SPRY3: variants seen among roughly 807,000 people sequenced by gnomAD.
The protein encoded by SPRY3 is sprouty RTK signaling antagonist 3, also known as protein sprouty homolog 3.
SPRY3 carries 15 observed loss-of-function variants against 20.2 expected under a neutral mutation model. The observed-to-expected ratio is 0.74, with a 90% confidence interval of 0.50 to 1.14. SPRY3 has a LOEUF of 1.14. Among genes scored for constraint, SPRY3 ranks in the 50% most tolerant of loss-of-function variants. The pLI is 0.00. For missense variants in SPRY3, 364 were observed against 363.9 expected (o/e 1.00, Z 0.00); for synonymous variants, 143 against 136.5 (o/e 1.05, Z -0.33).
At chrX:155,630,858 T>A (rs2067903918) in intron 1 of SPRY3, among the ~76,000 whole-genome samples, 1 of 111,711 alleles carries the variant, frequency 9.0e-6, no homozygotes, top group South Asian at 3.7e-4. Context: ...ATCTGAACAT[T>A]TGCTCTTTTG....
At chrX:155,674,973 T>G (rs1440665181) in intron 2 of SPRY3, among the ~76,000 whole-genome samples, 3 of 112,053 alleles carry the variant, frequency 2.7e-5, no homozygotes, top group Non-Finnish European at 5.6e-5. Flanking sequence ...CCTGCCCTTA[T>G]GGAGCTTATA....
rs188384000 is a variant in SPRY3 at position 155,661,048 on chromosome X, G to A, written c.-282+4023G>A. ...TTTCAAGATTAATATTGATATATGA[G>A]GTTTTGTTTCTGTAATAATTTTAAT... On this transcript the variant is annotated intron_variant, in intron 2 of 3. Coordinates refer to ENST00000675360, the Ensembl canonical transcript of SPRY3. Among the ~76,000 whole-genome samples, 5 of 111,029 alleles carry A rather than the reference G, an allele frequency of 4.5e-5. No individual in the cohort carries two copies. The Admixed American group carries it at 4.8e-4, about 11-fold the overall frequency.
At chrX:155,726,939 G>GT (rs2091102356) in intron 2 of SPRY3, among the ~76,000 whole-genome samples, 1 of 152,168 alleles carries the variant, frequency 6.6e-6, no homozygotes, top group African/African-American at 2.4e-5. Flanking sequence ...AATTTGGCAT[G>GT]TTTTTGCAGG....
intron 2 of SPRY3, among the ~76,000 whole-genome samples, chrX:155,720,799 GC>G (rs950876626): frequency 1.3e-5 from 2 of 152,114 alleles, no homozygotes; most frequent in African/African-American, 4.8e-5. Context: ...TATCTGGAAA[GC>G]CTTCCCAAAA....
intron 2 of SPRY3, among the ~76,000 whole-genome samples, chrX:155,766,519 A>G (rs1258666230): frequency 1.3e-5 from 2 of 152,186 alleles, no homozygotes; most frequent in Middle Eastern, 3.2e-3. Flanking sequence ...TGAGGTAACC[A>G]AAGCATCCTA....
chrX:155,697,309 T>C (rs911779616), intron 2 of SPRY3, among the ~76,000 whole-genome samples: 3 of 110,417 alleles, frequency 2.7e-5, no homozygotes. Flanking sequence ...AGCTCAGACA[T>C]TGGTCTTCCT....
chrX:155,732,702 A>G (rs753517942), intron 2 of SPRY3, among the ~76,000 whole-genome samples: 3 of 152,214 alleles, frequency 2.0e-5, no homozygotes, highest in Admixed American at 6.5e-5. Flanking sequence ...CTACACTCCC[A>G]TGTTTATTGC....
rs1267833796 is a variant in SPRY3 at position 155,749,047 on chromosome X, A to G, written c.-281-18915A>G. 2.6e-5 allele frequency among the ~76,000 whole-genome samples: 4 copies of G among 151,976 alleles called. No homozygotes were observed. The East Asian group carries it at 7.7e-4, about 29-fold the overall frequency. On this transcript the variant is annotated intron_variant, in intron 2 of 3. Coordinates refer to ENST00000675360, the Ensembl canonical transcript of SPRY3. ...TGAACTATATGGATAAATAGGATTT[A>G]GAGAAAGATTTTTCACACTCAATCA...
At chrX:155,708,773 T>A (rs911556563) in intron 2 of SPRY3, among the ~76,000 whole-genome samples, 17 of 151,446 alleles carry the variant, frequency 1.1e-4, no homozygotes, top group Admixed American at 2.6e-4. Context: ...TTAGTTATTT[T>A]AAAATGTACA....
At chrX:155,738,256 G>T (rs1225187272) in intron 2 of SPRY3, among the ~76,000 whole-genome samples, 1 of 151,856 alleles carries the variant, frequency 6.6e-6, no homozygotes, top group Non-Finnish European at 1.5e-5. Flanking sequence ...AAAACAAGGT[G>T]CAGACTGGGA....
chrX:155,687,982 C>T (rs971901396), intron 2 of SPRY3, among the ~76,000 whole-genome samples: 3 of 110,681 alleles, frequency 2.7e-5, no homozygotes, highest in Non-Finnish European at 5.7e-5. Context: ...CAGATCATCC[C>T]ATCACCGAGG....
chrX:155,685,032 T>G (rs776705103), intron 2 of SPRY3, among the ~76,000 whole-genome samples: 1 of 112,098 alleles, frequency 8.9e-6, no homozygotes, highest in East Asian at 2.8e-4. Flanking sequence ...TCTTTTTCAT[T>G]ATCTTTCAGC....
chrX:155,717,348 A>G (rs1317577587), intron 2 of SPRY3, among the ~76,000 whole-genome samples: 7 of 151,976 alleles, frequency 4.6e-5, no homozygotes, highest in Non-Finnish European at 8.8e-5. Context: ...AACAAGGACT[A>G]CAACATCAGG....
chrX:155,711,841 G>T (rs2090989130), intron 2 of SPRY3, among the ~76,000 whole-genome samples: 1 of 150,882 alleles, frequency 6.6e-6, no homozygotes, highest in Non-Finnish European at 1.5e-5. Context: ...GGGACTTATA[G>T]CTATAAATTT....
intron 2 of SPRY3, among the ~76,000 whole-genome samples, chrX:155,737,601 G>T (rs1477857492): frequency 6.6e-6 from 1 of 152,092 alleles, no homozygotes; most frequent in Non-Finnish European, 1.5e-5. Context: ...ACCAAATAAA[G>T]AATGAATAAA....
intron 2 of SPRY3, among the ~76,000 whole-genome samples, chrX:155,694,896 T>C (rs141848012): frequency 2.7e-5 from 3 of 111,391 alleles, no homozygotes; most frequent in Non-Finnish European, 5.7e-5. Flanking sequence ...CTTCACTCAC[T>C]TGCCTGCCGG....
chrX:155,668,027 CT>C (rs1343187978), intron 2 of SPRY3, among the ~76,000 whole-genome samples: 1 of 53,557 alleles, frequency 1.9e-5, no homozygotes, highest in Non-Finnish European at 5.0e-5. Flanking sequence ...ATTGGAACAA[CT>C]TTTTAAAAAA....
intron 2 of SPRY3, among the ~76,000 whole-genome samples, chrX:155,722,786 C>T (rs1469778636): frequency 1.4e-4 from 21 of 151,712 alleles, no homozygotes; most frequent in Non-Finnish European, 2.9e-5. Context: ...AAGAGAAACA[C>T]TTCACCATAT....
At chrX:155,725,032 C>T (rs754586748) in intron 2 of SPRY3, among the ~76,000 whole-genome samples, 36 of 152,164 alleles carry the variant, frequency 2.4e-4, no homozygotes, top group South Asian at 1.0e-3. Context: ...GCATGAAGGG[C>T]TGTTGAATTT....
Sources: allele counts gnomAD v4.1 joint callset (sites outside exome capture counted in the v4.1 genomes callset), GRCh38; gene constraint gnomAD v4.1.1; transcripts MANE v1.5; gene names NCBI Gene and HGNC (gene_info 2026-07-23, HGNC 2026-07-21).